COMMD10: variants seen among roughly 807,000 people sequenced by gnomAD.
COMMD10 encodes COMM domain-containing protein 10.
In COMMD10, 33 loss-of-function variants were observed where a neutral mutation model predicts 28.9. That is an observed-to-expected ratio of 1.14 (90% CI 0.87 to 1.53). The LOEUF is 1.53. Ranked by LOEUF, COMMD10 falls within the 40% of genes most tolerant of loss-of-function variation. The probability of loss-of-function intolerance (pLI) is 0.00; values close to 1 mark genes in which losing one functional copy is unlikely to be tolerated. For synonymous variants in COMMD10, 110 were observed against 81.7 expected, an observed-to-expected ratio of 1.35 and a Z score of -1.87; for missense variants, 310 against 233.4, an observed-to-expected ratio of 1.33 and a Z score of -2.14.
At chr5:116,221,182 G>A (rs1378304782) in intron 5 of COMMD10, among the ~76,000 whole-genome samples, 1 of 151,008 alleles carries the variant, frequency 6.6e-6, no homozygotes, top group East Asian at 1.9e-4. Context: ...CAGCTGGTCT[G>A]ACGGTGAGCT....
intron 5 of COMMD10, among the ~76,000 whole-genome samples, chr5:116,179,048 T>C (rs1198920477): frequency 2.0e-5 from 3 of 152,168 alleles, no homozygotes; most frequent in Non-Finnish European, 4.4e-5. Flanking sequence ...TGTTTACCTA[T>C]GTAATTTTAT....
chr5:116,236,904 G>A (rs1749679942), intron 5 of COMMD10, among the ~76,000 whole-genome samples: 1 of 151,980 alleles, frequency 6.6e-6, no homozygotes, highest in South Asian at 2.1e-4. Flanking sequence ...GGGTTATATG[G>A]GAAATTTTTA....
At chr5:116,167,240 GATATCAGATTGA>G (rs1753152972) in intron 5 of COMMD10, among the ~76,000 whole-genome samples, 1 of 151,698 alleles carries the variant, frequency 6.6e-6, no homozygotes, top group African/African-American at 2.4e-5. Flanking sequence ...CAGAAGTAAG[GATATCAGATTGA>G]ATATCAACTT....
intron 5 of COMMD10, among the ~76,000 whole-genome samples, chr5:116,151,932 G>C (rs9688263): frequency 0.2 from 30,951 of 151,856 alleles, 5,075 homozygotes; most frequent in African/African-American, 0.46. Flanking sequence ...TTTTCTAGTT[G>C]TTTTAATTGT....
intron 5 of COMMD10, among the ~76,000 whole-genome samples, chr5:116,189,801 A>G (rs1389037021): frequency 2.0e-5 from 3 of 152,240 alleles, no homozygotes; most frequent in African/African-American, 7.2e-5. Flanking sequence ...TATTTTCAAG[A>G]AATTGTTCAT....
At chr5:116,131,635 G>C (rs1188977245) in intron 4 of COMMD10, among the ~76,000 whole-genome samples, 2 of 151,986 alleles carry the variant, frequency 1.3e-5, no homozygotes, top group East Asian at 3.9e-4. Context: ...TCTGTCAGAG[G>C]CTGTTGTAGG....
At chr5:116,188,637 C>CACTT (rs1748230409) in intron 5 of COMMD10, 2 of 110,646 alleles carry the variant, frequency 1.8e-5, no homozygotes, top group East Asian at 4.9e-4. Flanking sequence ...TTCTCTCTCT[C>CACTT]TCTTTTTTTT....
intron 5 of COMMD10, among the ~76,000 whole-genome samples, chr5:116,277,904 A>G (rs574687122): frequency 4.6e-5 from 7 of 152,050 alleles, no homozygotes; most frequent in African/African-American, 1.7e-4. Context: ...GTACAAATGC[A>G]TCATTTAAAT....
At chr5:116,125,808 C>G (rs1402166649) in intron 4 of COMMD10, among the ~76,000 whole-genome samples, 1 of 152,094 alleles carries the variant, frequency 6.6e-6, no homozygotes, top group Non-Finnish European at 1.5e-5. Flanking sequence ...TCGTCAGTCA[C>G]TGATACCCTT....
intron 5 of COMMD10, among the ~76,000 whole-genome samples, chr5:116,151,655 G>A (rs75255859): frequency 2.6e-5 from 4 of 151,906 alleles, no homozygotes; most frequent in South Asian, 2.1e-4. Flanking sequence ...AGAGGTGTTC[G>A]TAGTATTCTC....
intron 5 of COMMD10, among the ~76,000 whole-genome samples, chr5:116,201,424 T>G (rs1748663082): frequency 6.6e-6 from 1 of 152,164 alleles, no homozygotes; most frequent in Non-Finnish European, 1.5e-5. Context: ...CCACACTGAC[T>G]CCAGCAATTA....
intron 2 of COMMD10, among the ~76,000 whole-genome samples, chr5:116,087,981 A>T (rs1750166195): frequency 6.6e-6 from 1 of 152,198 alleles, no homozygotes. Flanking sequence ...CTTAAAAATA[A>T]TTCTGTGGTA....
intron 5 of COMMD10, among the ~76,000 whole-genome samples, chr5:116,176,819 G>A (rs934855437): frequency 6.6e-6 from 1 of 152,124 alleles, no homozygotes; most frequent in Non-Finnish European, 1.5e-5. Context: ...AACAGGGGAA[G>A]TTTAATATAA....
chr5:116,123,700 T>C (rs982764915), intron 4 of COMMD10, among the ~76,000 whole-genome samples: 5 of 152,124 alleles, frequency 3.3e-5, no homozygotes, highest in Admixed American at 3.3e-4. Context: ...GTCTGGTCCT[T>C]GGCTTTTTTT....
chr5:116,144,696 T>G (rs1320530984), intron 5 of COMMD10, among the ~76,000 whole-genome samples: 1 of 151,882 alleles, frequency 6.6e-6, no homozygotes, highest in Non-Finnish European at 1.5e-5. Flanking sequence ...TAAAATGGAC[T>G]TCTCTGATAA....
At chr5:116,292,427 T>G (rs1433446434) in intron 6 of COMMD10, 24 bp from the exon 7 acceptor site, 2 of 1,480,238 alleles carry the variant, frequency 1.4e-6, no homozygotes, top group Admixed American at 4.4e-5. Flanking sequence ...TAACGTCTTT[T>G]TTTTTTTTTG....
At chr5:116,259,374 A>T (rs962426535) in intron 5 of COMMD10, among the ~76,000 whole-genome samples, 1 of 151,326 alleles carries the variant, frequency 6.6e-6, no homozygotes. Flanking sequence ...AGTCTTTTCC[A>T]TAATTGTTTT....
intron 5 of COMMD10, among the ~76,000 whole-genome samples, chr5:116,274,234 T>C (rs1425633391): frequency 6.6e-6 from 1 of 151,844 alleles, no homozygotes; most frequent in Non-Finnish European, 1.5e-5. Context: ...ATGAGAAATA[T>C]GGATGCTTAT....
chr5:116,270,891 A>G (rs1008859365), intron 5 of COMMD10, among the ~76,000 whole-genome samples: 1 of 151,246 alleles, frequency 6.6e-6, no homozygotes, highest in South Asian at 2.1e-4. Flanking sequence ...GTCAGCCGAG[A>G]TCACACCATT....
Sources: allele counts gnomAD v4.1 joint callset (sites outside exome capture counted in the v4.1 genomes callset), GRCh38; gene constraint gnomAD v4.1.1; transcripts MANE v1.5; gene names NCBI Gene and HGNC (gene_info 2026-07-23, HGNC 2026-07-21).